The following NADK variants were observed in gnomAD, a reference collection of about 807,000 sequenced individuals.
The protein encoded by NADK is poly(P)/ATP NAD kinase.
Under a neutral mutation model 49.8 loss-of-function variants are expected in NADK, and 22 were observed. That is an observed-to-expected ratio of 0.44 (90% CI 0.32 to 0.63). NADK has a LOEUF of 0.63. Ranked by LOEUF, NADK falls within the 30% of genes least tolerant of loss-of-function variation. The probability of loss-of-function intolerance (pLI) is 0.06; values close to 1 mark genes in which losing one functional copy is unlikely to be tolerated. For missense variants in NADK, 438 were observed against 609.4 expected, an observed-to-expected ratio of 0.72 and a Z score of 2.96; for synonymous variants, 268 against 253.7, an observed-to-expected ratio of 1.06 and a Z score of -0.54.
At chr1:1,768,532 G>A (rs971933065) in intron 1 of NADK, among the ~76,000 whole-genome samples, 3 of 152,210 alleles carry the variant, frequency 2.0e-5, no homozygotes, top group Non-Finnish European at 2.9e-5. Context: ...CTCCAGCCTA[G>A]GCAATAGAGA....
chr1:1,771,128 T>C (rs1217270855), intron 1 of NADK, among the ~76,000 whole-genome samples: 1 of 148,248 alleles, frequency 6.7e-6, no homozygotes. Context: ...AAAATATATA[T>C]ACATATATAT....
At chr1:1,762,239 G>A (rs111754812) in intron 2 of NADK, among the ~76,000 whole-genome samples, 3 of 152,324 alleles carry the variant, frequency 2.0e-5, no homozygotes, top group East Asian at 3.9e-4. Flanking sequence ...TGAGGAGCAC[G>A]CATGCCCACG....
rs1470354911 is a variant in NADK, at chr1:1,778,330, G to C, written c.-82C>G. On this transcript the variant is annotated 5_prime_UTR_variant, in exon 1 of 12. Transcript: ENST00000341426. This position sits in a 1 kb window ranked among gnomAD's most constrained non-coding sequence, Gnocchi z 4.9. Reference sequence around the variant, plus strand: ...CGCCTGCGGGGGCGTCTACATGCCGGACCGAGCCCGCAGGCCCCGCCGCCG... The same window carrying C: ...CGCCTGCGGGGGCGTCTACATGCCGCACCGAGCCCGCAGGCCCCGCCGCCG... 2 of 151,228 alleles carry C rather than the reference G, an allele frequency of 1.3e-5. No individual in the cohort carries two copies. Among genetic ancestry groups the C allele is most frequent in the African/African-American group, 4.8e-5 (2 of 41,300 alleles). 9.4% of individuals were successfully genotyped at this position (151,228 alleles called of 1,614,324 possible). A position where few individuals can be genotyped will look rare whatever the true frequency, so the allele number is the denominator to read the frequency against.
chr1:1,773,057 A>G lies in NADK; in HGVS notation c.-41+5232T>C, dbSNP rs1646098564. Among the ~76,000 whole-genome samples the G allele has an allele frequency of 2.0e-5, 3 of 151,698 alleles. No homozygotes were observed. The South Asian group carries it at 6.2e-4, about 32-fold the overall frequency. ...ACTCCATCTCAAAAAAAAAAAAAAA[A>G]AGATGTTAACACAGAGGGAGCTGGT... On this transcript the variant is annotated intron_variant, in intron 1 of 11. Transcript: ENST00000341426.
intron 2 of NADK, among the ~76,000 whole-genome samples, chr1:1,764,375 G>A (rs550151726): frequency 3.3e-5 from 5 of 152,176 alleles, no homozygotes; most frequent in Non-Finnish European, 7.4e-5. Context: ...GTCATGCAAA[G>A]CCCGGGGCGC....
chr1:1,776,258 C>T (rs769060912), intron 1 of NADK, among the ~76,000 whole-genome samples: 9 of 152,148 alleles, frequency 5.9e-5, no homozygotes, highest in Non-Finnish European at 1.2e-4. Context: ...ATTTGTTCAC[C>T]GCCTCCACTC....
At chr1:1,759,316 G>A (rs924136532) in intron 3 of NADK, 11 of 1,453,388 alleles carry the variant, frequency 7.6e-6, no homozygotes, top group African/African-American at 1.6e-5. Context: ...AGGGGGTGGC[G>A]TGAAGCTTGC....
rs748265407 is a variant in NADK, at chr1:1,765,426, C to T, written c.-20G>A. 1.8e-5 allele frequency: 27 copies of T among 1,537,728 alleles called. No homozygotes were observed. The highest frequency in any genetic ancestry group is 6.3e-5 in the South Asian group (5 of 79,594). On this transcript the variant is annotated 5_prime_UTR_variant, in exon 2 of 12. Coordinates refer to ENST00000341426, the MANE Select transcript of NADK (RefSeq NM_023018.5). The stretch of plus-strand genomic sequence containing the variant: ...TTCCATTGTCAGGAAATGAGAACTT[C>T]GGTCAGAAAAACACTGATGCCTTAA...
In NADK at chr1:1,752,844, C is replaced by T. The variant is rs1245102764; in HGVS notation, c.*60G>A. ...CGGTCACAGACACACGCAGATTGGT[C>T]TGTCCCCAGAGGGCGCTTGGAGGGC... On this transcript the variant is annotated 3_prime_UTR_variant, in exon 12 of 12. Coordinates refer to ENST00000341426, the MANE Select transcript of NADK (RefSeq NM_023018.5). The T allele has an allele frequency of 1.5e-5, 24 of 1,561,804 alleles. No individual in the cohort carries two copies. Among genetic ancestry groups the T allele is most frequent in the Non-Finnish European group, 2.1e-5 (24 of 1,148,204 alleles).
In NADK at chr1:1,754,469, C is replaced by CG; in HGVS notation, c.843+74dup. 6.2e-7 allele frequency: 1 copy of CG among 1,604,222 alleles called. No homozygotes were observed. Among genetic ancestry groups the CG allele is most frequent in the Non-Finnish European group, 8.5e-7 (1 of 1,173,694 alleles). The stretch of plus-strand genomic sequence containing the variant: ...CTCCGTCTCACCCAGCCGGGCTCTC[C>CG]GGAAGGTCCTCATCCCTGGGACCGA... On this transcript the variant is annotated intron_variant, in intron 8 of 11. Transcript: ENST00000341426. This position sits in a 1 kb window ranked among gnomAD's most constrained non-coding sequence, Gnocchi z 4.3.
At chr1:1,758,643 A>C in intron 3 of NADK, 5 of 1,426,824 alleles carry the variant, frequency 3.5e-6, no homozygotes, top group Non-Finnish European at 4.6e-6. Flanking sequence ...AAAAGCAACT[A>C]AGTCAAAAGA....
rs552399776 is a variant in NADK at position 1,770,167 on chromosome 1, C to G, written c.-40-4721G>C. 2.6e-5 allele frequency among the ~76,000 whole-genome samples: 4 copies of G among 151,424 alleles called. No individual in the cohort carries two copies. The East Asian group carries it at 7.8e-4, about 29-fold the overall frequency. On this transcript the variant is annotated intron_variant, in intron 1 of 11. Coordinates refer to ENST00000341426, the MANE Select transcript of NADK (RefSeq NM_023018.5). ...CCAGCCTGGGTGACAGAGTGAGACT[C>G]TGCCTCAATAAAAAGAAAAAAGAAA...
chr1:1,753,685 C>A, intron 10 of NADK, 36 bp from the exon 11 acceptor site: 1 of 1,560,850 alleles, frequency 6.4e-7, no homozygotes, highest in Non-Finnish European at 8.7e-7. Context: ...GGGCCCCCAG[C>A]TGTGGGGAGG....
chr1:1,774,476 A>G (rs1432328680), intron 1 of NADK, among the ~76,000 whole-genome samples: 6 of 152,072 alleles, frequency 3.9e-5, no homozygotes. Flanking sequence ...GCTGGTCTCA[A>G]ACTCTCAACC....
In NADK at chr1:1,758,524, C is replaced by T. The variant is rs776920295; in HGVS notation, c.264-1214G>A. The stretch of plus-strand genomic sequence containing the variant: ...AGGCCACGCTTGGCGAACACGCGGC[C>T]GCCCCATCGGTATGGTCCTGACTGT... On this transcript the variant is annotated intron_variant, in intron 3 of 11. Transcript: ENST00000341426. The T allele has an allele frequency of 8.8e-5, 141 of 1,608,012 alleles. No homozygotes were observed. The South Asian group carries it at 8.9e-4, about 10-fold the overall frequency.
chr1:1,753,837 C>T (rs547065048), intron 10 of NADK, among the ~76,000 whole-genome samples, 188 bp from the exon 11 acceptor site: 2 of 152,288 alleles, frequency 1.3e-5, no homozygotes, highest in Non-Finnish European at 2.9e-5. Flanking sequence ...TGGCAGAAAG[C>T]CCCTCAGACC....
chr1:1,754,057 C>A lies in NADK; in HGVS notation c.1095G>T (p.Glu365Asp), dbSNP rs765650432. ...FRPIVVPAGV[E>D]LKIMLSPEAR... is the part of the protein sequence containing the mutation. ...GAGTGTCGTTGGCTCTGACCTTCAG[C>A]TCGACCCCTGCGGGGACCACGATGG... is the stretch of plus-strand genomic sequence containing the variant. Residue 365 changes from glutamate (E) to aspartate (D), a missense_variant, in exon 10 of 12, where the codon GAG (glutamate) becomes GAT (aspartate). Coordinates refer to ENST00000341426, the MANE Select transcript of NADK (RefSeq NM_023018.5). The surrounding 1 kb of genome is among the most constrained non-coding windows in gnomAD (Gnocchi z 4.3). 6 of 1,580,048 alleles carry A rather than the reference C, an allele frequency of 3.8e-6. No homozygotes were observed. In the South Asian group the frequency reaches 6.8e-5, roughly 18 times the overall value.
upstream of NADK, chr1:1,780,090 C>T (rs1468500118): frequency 1.3e-5 from 2 of 152,234 alleles, no homozygotes; most frequent in Non-Finnish European, 2.9e-5. Context: ...GTAACTTCTC[C>T]CGGGGTTATT....
intron 1 of NADK, among the ~76,000 whole-genome samples, chr1:1,771,959 C>G (rs1448430271): frequency 6.9e-6 from 1 of 145,736 alleles, no homozygotes; most frequent in African/African-American, 2.5e-5. Context: ...AGGCATGCAC[C>G]ACCACACCTG....
Sources: allele counts gnomAD v4.1 joint callset (sites outside exome capture counted in the v4.1 genomes callset), GRCh38; gene constraint gnomAD v4.1.1; non-coding constraint Gnocchi (gnomAD v3.1); transcripts MANE v1.5; gene names NCBI Gene and HGNC (gene_info 2026-07-23, HGNC 2026-07-21).